Variants in FGF12 observed in about 807,000 individuals in gnomAD.
FGF12 encodes the protein fibroblast growth factor 12.
Under a neutral mutation model 23.6 loss-of-function variants are expected in FGF12, and 14 were observed. That is an observed-to-expected ratio of 0.59 (90% CI 0.39 to 0.93). The LOEUF is 0.93. Among genes scored for constraint, FGF12 ranks in the 40% least tolerant of loss-of-function variants. FGF12 has a pLI of 0.00. For synonymous variants in FGF12, 62 were observed against 77.3 expected (o/e 0.80, Z 1.04); for missense variants, 175 against 217.8 (o/e 0.80, Z 1.24).
At chr3:192,270,527 A>G (rs1382157680) in intron 4 of FGF12, among the ~76,000 whole-genome samples, 1 of 152,184 alleles carries the variant, frequency 6.6e-6, no homozygotes, top group Admixed American at 6.6e-5. Flanking sequence ...ACTGGGGAGA[A>G]ATAAGATGTT....
At chr3:192,399,962 C>T (rs1200997180) in intron 2 of FGF12, among the ~76,000 whole-genome samples, 1 of 152,184 alleles carries the variant, frequency 6.6e-6, no homozygotes, top group Admixed American at 6.5e-5. Flanking sequence ...GACCGCCACC[C>T]TCAGGATACC....
At chr3:192,594,933 G>T (rs562732779) in intron 2 of FGF12, among the ~76,000 whole-genome samples, 1 of 148,482 alleles carries the variant, frequency 6.7e-6, no homozygotes, top group Admixed American at 6.7e-5. Flanking sequence ...CTCTAGTGAT[G>T]CAATATTGTT....
At chr3:192,529,832 C>T (rs141093355) in intron 2 of FGF12, among the ~76,000 whole-genome samples, 95 of 152,246 alleles carry the variant, frequency 6.2e-4, no homozygotes, top group East Asian at 4.8e-3. Context: ...AAGACCCACC[C>T]TCATGATTCA....
At chr3:192,271,173 ATAAGCC>A (rs1713411302) in intron 4 of FGF12, among the ~76,000 whole-genome samples, 1 of 152,224 alleles carries the variant, frequency 6.6e-6, no homozygotes, top group African/African-American at 2.4e-5. Flanking sequence ...CCAAGGAAGA[ATAAGCC>A]TCATGTTTGA....
intron 4 of FGF12, among the ~76,000 whole-genome samples, chr3:192,315,309 C>G (rs1022038544): frequency 1.3e-5 from 2 of 152,064 alleles, no homozygotes. Flanking sequence ...GCTATATGTT[C>G]AAAGAGCCAA....
intron 4 of FGF12, among the ~76,000 whole-genome samples, chr3:192,282,592 C>A (rs946891683): frequency 6.6e-6 from 1 of 151,932 alleles, no homozygotes; most frequent in Non-Finnish European, 1.5e-5. Context: ...AGTTCTAGGT[C>A]AATTAATTGG....
At chr3:192,492,279 T>C (rs970355162) in intron 2 of FGF12, among the ~76,000 whole-genome samples, 1 of 152,188 alleles carries the variant, frequency 6.6e-6, no homozygotes, top group African/African-American at 2.4e-5. Context: ...AATATATAAT[T>C]GTAACCTGAT....
intron 2 of FGF12, among the ~76,000 whole-genome samples, chr3:192,402,184 A>G (rs2686464): frequency 6.6e-6 from 1 of 152,084 alleles, no homozygotes; most frequent in Non-Finnish European, 1.5e-5. Flanking sequence ...CCTCTTTACT[A>G]TCCAAAACAT....
At chr3:192,454,144 T>A (rs1183714573) in intron 2 of FGF12, among the ~76,000 whole-genome samples, 1 of 152,134 alleles carries the variant, frequency 6.6e-6, no homozygotes. Flanking sequence ...GTTCAAGCGA[T>A]TCTCCTGCCT....
intron 2 of FGF12, among the ~76,000 whole-genome samples, chr3:192,454,159 C>G (rs1276178980): frequency 6.6e-6 from 1 of 152,126 alleles, no homozygotes; most frequent in East Asian, 1.9e-4. Context: ...CTGCCTCAGC[C>G]TCCTGAGTAG....
intron 2 of FGF12, among the ~76,000 whole-genome samples, chr3:192,532,570 A>C (rs1284395119): frequency 2.0e-5 from 3 of 152,124 alleles, no homozygotes; most frequent in African/African-American, 7.2e-5. Context: ...GGTGTATAGC[A>C]GTGCTACTGA....
chr3:192,451,714 T>C (rs1231132111), intron 2 of FGF12, among the ~76,000 whole-genome samples: 1 of 152,204 alleles, frequency 6.6e-6, no homozygotes, highest in Non-Finnish European at 1.5e-5. Flanking sequence ...TCTTAACAAT[T>C]TGTTTCTAAG....
chr3:192,478,557 T>A (rs991881007), intron 2 of FGF12, among the ~76,000 whole-genome samples: 1 of 152,160 alleles, frequency 6.6e-6, no homozygotes, highest in African/African-American at 2.4e-5. Flanking sequence ...TCTTGATCAT[T>A]CCCTAAGTAT....
intron 2 of FGF12, among the ~76,000 whole-genome samples, chr3:192,639,307 G>A (rs79311944): frequency 0.097 from 14,713 of 152,234 alleles, 897 homozygotes; most frequent in Non-Finnish European, 0.14. Context: ...GATAGCAAAC[G>A]TTGACAAGGA....
intron 4 of FGF12, among the ~76,000 whole-genome samples, chr3:192,226,652 G>A (rs1718751269): frequency 2.6e-5 from 4 of 152,132 alleles, no homozygotes; most frequent in Admixed American, 2.0e-4. Flanking sequence ...ATTAGGTCAT[G>A]AGGGCAGAAC....
intron 2 of FGF12, among the ~76,000 whole-genome samples, chr3:192,711,438 T>C (rs573485161): frequency 1.4e-3 from 219 of 152,256 alleles, no homozygotes; most frequent in Admixed American, 2.5e-3. Flanking sequence ...CCACCCCGTC[T>C]GGGAGGTGTA....
intron 2 of FGF12, among the ~76,000 whole-genome samples, chr3:192,445,721 C>T (rs1271952360): frequency 6.6e-6 from 1 of 152,072 alleles, no homozygotes; most frequent in African/African-American, 2.4e-5. Flanking sequence ...AGAGTTCATC[C>T]CAAACTCTTA....
At chr3:192,646,254 AG>A (rs1489292220) in intron 2 of FGF12, among the ~76,000 whole-genome samples, 1 of 152,122 alleles carries the variant, frequency 6.6e-6, no homozygotes, top group Non-Finnish European at 1.5e-5. Context: ...TGTGGAATGC[AG>A]GAAGTCAACG....
At chr3:192,544,793 T>C (rs1400778173) in intron 2 of FGF12, among the ~76,000 whole-genome samples, 3 of 152,326 alleles carry the variant, frequency 2.0e-5, no homozygotes. Context: ...ATTCCAGGTC[T>C]AGCCCACACA....
Sources: allele counts gnomAD v4.1 joint callset (sites outside exome capture counted in the v4.1 genomes callset), GRCh38; gene constraint gnomAD v4.1.1; transcripts MANE v1.5; gene names NCBI Gene and HGNC (gene_info 2026-07-23, HGNC 2026-07-21).